The following AFF3 variants were observed in gnomAD, a reference collection of about 807,000 sequenced individuals.
AFF3 encodes the protein ALF transcription elongation factor 3, also known as AF4/FMR2 family member 3.
AFF3 carries 32 observed loss-of-function variants against 129.7 expected under a neutral mutation model. The observed-to-expected ratio is 0.25, with a 90% CI of 0.19 to 0.33. The LOEUF is 0.33. Ranked by LOEUF, AFF3 falls within the 10% of genes least tolerant of loss-of-function variation. AFF3 has a pLI of 1.00. For missense variants in AFF3, 1,373 were observed against 1,592.0 expected (o/e 0.86, Z 2.34); for synonymous variants, 644 against 635.4 (o/e 1.01, Z -0.20).
At chr2:99,609,581 T>G (rs1187167948) in intron 13 of AFF3, among the ~76,000 whole-genome samples, 1 of 152,246 alleles carries the variant, frequency 6.6e-6, no homozygotes, top group Non-Finnish European at 1.5e-5. Context: ...CATGACTGAA[T>G]AGTATTCCAT....
At chr2:99,987,097 A>G (rs1217317945) in intron 7 of AFF3, among the ~76,000 whole-genome samples, 2 of 152,232 alleles carry the variant, frequency 1.3e-5, no homozygotes, top group African/African-American at 4.8e-5. Context: ...TGCATGAACC[A>G]GGGGTCAAAG....
chr2:99,561,581 T>C (rs1383232097), intron 20 of AFF3, among the ~76,000 whole-genome samples: 1 of 152,216 alleles, frequency 6.6e-6, no homozygotes, highest in Non-Finnish European at 1.5e-5. Context: ...TCTTACTATG[T>C]TGTCTGGGCT....
At chr2:100,109,904 A>G (rs1482203157) in intron 2 of AFF3, 1 of 152,192 alleles carries the variant, frequency 6.6e-6, no homozygotes, top group Non-Finnish European at 1.5e-5. Context: ...TGCCTTAATT[A>G]TCTATAGCAT....
At chr2:99,559,531 C>A (rs893373392) in intron 21 of AFF3, among the ~76,000 whole-genome samples, 13 of 152,220 alleles carry the variant, frequency 8.5e-5, no homozygotes, top group African/African-American at 3.1e-4. Context: ...ATTTTGTATA[C>A]TTATTTATAT....
At chr2:99,756,142 T>A (rs764688596) in intron 8 of AFF3, among the ~76,000 whole-genome samples, 1 of 152,242 alleles carries the variant, frequency 6.6e-6, no homozygotes, top group Non-Finnish European at 1.5e-5. Context: ...TCTTTCTCTG[T>A]CCACTCCACC....
chr2:99,598,983 C>G (rs1679554652), intron 14 of AFF3, among the ~76,000 whole-genome samples: 1 of 152,226 alleles, frequency 6.6e-6, no homozygotes, highest in South Asian at 2.1e-4. Flanking sequence ...AACGAACGTG[C>G]AGCCTGGCTA....
intron 7 of AFF3, among the ~76,000 whole-genome samples, chr2:99,880,749 T>C (rs1294055976): frequency 6.6e-6 from 1 of 151,352 alleles, no homozygotes; most frequent in Non-Finnish European, 1.5e-5. Flanking sequence ...GGTGTGGGAG[T>C]TGGAGTGTAG....
intron 11 of AFF3, among the ~76,000 whole-genome samples, chr2:99,698,558 T>C (rs1212431644): frequency 2.0e-5 from 3 of 152,236 alleles, no homozygotes; most frequent in Non-Finnish European, 4.4e-5. Flanking sequence ...GGAACACTTT[T>C]GTATCAGTTT....
At chr2:99,580,096 C>T (rs1375175081) in intron 17 of AFF3, among the ~76,000 whole-genome samples, 4 of 152,108 alleles carry the variant, frequency 2.6e-5, no homozygotes, top group Non-Finnish European at 5.9e-5. Flanking sequence ...GGCCCCTCAG[C>T]CATTCTTTGC....
rs114030857 is a variant in AFF3, at chr2:99,578,384, G to C, written c.2861C>G (p.Ser954Cys). 5.7e-4 allele frequency: 913 copies of C among 1,611,342 alleles called. 5 individuals are homozygous for C. In the African/African-American group the frequency reaches 0.011, roughly 19 times the overall value. Residue 954 changes from serine (S) to cysteine (C), a missense_variant, in exon 18 of 25, where the codon TCT becomes TGT. This residue lies in a region of AFF3 where 466 missense variants were observed against 505.0 expected (regional missense o/e 0.92). Coordinates refer to ENST00000672756, the MANE Select transcript of AFF3 (RefSeq NM_001386135.1). ...GTCCCTGTGGCCGTTGGAGCCTGGA[G>C]ACCACGGCTTCGTCTGCGGCCGTGA... ...HKSRPQTKPW[S>C]PGSNGHRDCK... is the part of the protein sequence containing the mutation.
chr2:99,671,743 C>T (rs1687163051), intron 12 of AFF3, among the ~76,000 whole-genome samples: 1 of 152,020 alleles, frequency 6.6e-6, no homozygotes, highest in Non-Finnish European at 1.5e-5. Flanking sequence ...TGTATCTAAA[C>T]TTGACAAAAT....
intron 12 of AFF3, among the ~76,000 whole-genome samples, chr2:99,665,221 A>C (rs1475244517): frequency 1.3e-5 from 2 of 152,254 alleles, no homozygotes; most frequent in Non-Finnish European, 2.9e-5. Context: ...ATTTTAGACC[A>C]AGGAATTACT....
intron 11 of AFF3, among the ~76,000 whole-genome samples, chr2:99,694,671 A>G (rs988424060): frequency 7.2e-5 from 11 of 151,956 alleles, no homozygotes; most frequent in Non-Finnish European, 1.3e-4. Flanking sequence ...AAAAAAGCCA[A>G]CAAAAACAAA....
intron 11 of AFF3, among the ~76,000 whole-genome samples, chr2:99,719,053 T>TA (rs1213457868): frequency 6.7e-6 from 1 of 149,374 alleles, no homozygotes; most frequent in Admixed American, 6.7e-5. Context: ...GCCCGGCCTT[T>TA]TTTTTTTTTT....
At chr2:100,056,063 T>TCA (rs369771394) in intron 4 of AFF3, among the ~76,000 whole-genome samples, 2,223 of 120,496 alleles carry the variant, frequency 0.018, 30 homozygotes, top group South Asian at 0.044. Flanking sequence ...TGTCTCTCTC[T>TCA]CACACACACA....
At chr2:100,107,803 C>T (rs1470926660) in intron 2 of AFF3, among the ~76,000 whole-genome samples, 3 of 152,172 alleles carry the variant, frequency 2.0e-5, no homozygotes, top group Non-Finnish European at 4.4e-5. Flanking sequence ...TAAATAAATC[C>T]AGAAGCAAAC....
At chr2:99,667,526 A>C (rs1225441421) in intron 12 of AFF3, among the ~76,000 whole-genome samples, 1 of 152,210 alleles carries the variant, frequency 6.6e-6, no homozygotes, top group Non-Finnish European at 1.5e-5. Context: ...AGTGAAACTG[A>C]AACAGAAAAA....
At chr2:100,009,058 T>A (rs1260416239) in intron 4 of AFF3, 126 bp from the exon 5 acceptor site, 1 of 1,313,984 alleles carries the variant, frequency 7.6e-7, no homozygotes, top group African/African-American at 1.5e-5. Flanking sequence ...AGAACATGGA[T>A]GAGACAAAAG....
At chr2:99,858,956 T>C (rs1690757493) in intron 7 of AFF3, among the ~76,000 whole-genome samples, 2 of 152,246 alleles carry the variant, frequency 1.3e-5, no homozygotes, top group South Asian at 4.1e-4. Context: ...TGGTGTGGTT[T>C]GATCTTCAGT....
Sources: gnomAD v4.1 joint callset for allele counts (sites outside exome capture counted in the v4.1 genomes callset) on GRCh38, gnomAD v4.1.1 for gene constraint, gnomAD v4.1.1 regional missense constraint, MANE v1.5 for transcripts, NCBI Gene and HGNC (gene_info 2026-07-23, HGNC 2026-07-21) for gene names.